Variants in GMPR observed in about 807,000 individuals in gnomAD.
GMPR encodes the protein GMP reductase 1.
A neutral mutation model predicts 38.4 loss-of-function variants in GMPR; 31 were observed. That is an observed-to-expected ratio of 0.81 (90% CI 0.61 to 1.09). The LOEUF is 1.09. Ranked by LOEUF, GMPR falls within the 50% of genes least tolerant of loss-of-function variation. The pLI is 0.00. For synonymous variants in GMPR, 162 were observed against 173.3 expected, an observed-to-expected ratio of 0.93 and a Z score of 0.51; for missense variants, 468 against 453.7, an observed-to-expected ratio of 1.03 and a Z score of -0.29.
Position 16,254,637 on chromosome 6 carries a change from G to T in GMPR, c.367G>T (p.Val123Phe), listed in dbSNP as rs765290396. ...MTSILEAVPQVKFICLDVANG... is the reference protein window; with the variant it reads ...MTSILEAVPQFKFICLDVANG... ...CAGCATCCTGGAAGCTGTGCCACAG[G>T]TTAAGTTTATTTGCCTGGATGTGGC... The change falls in exon 4 of 9, where the codon GTT becomes TTT. Residue 123 changes from valine (V) to phenylalanine (F), a missense_variant. Coordinates refer to ENST00000259727, the MANE Select transcript of GMPR (RefSeq NM_006877.4). 6.2e-6 allele frequency: 10 copies of T among 1,613,524 alleles called. No individual in the cohort carries two copies. In the East Asian group the frequency reaches 2.2e-4, roughly 36 times the overall value.
At chr6:16,284,001 G>A (rs1041149192) in intron 6 of GMPR, among the ~76,000 whole-genome samples, 1 of 152,190 alleles carries the variant, frequency 6.6e-6, no homozygotes, top group African/African-American at 2.4e-5. Context: ...TTAACAAGGG[G>A]TATAGAGCCA....
chr6:16,249,841 T>G, intron 2 of GMPR, among the ~76,000 whole-genome samples: 1 of 152,364 alleles, frequency 6.6e-6, no homozygotes, highest in Non-Finnish European at 1.5e-5. Context: ...AGAGAAAGCT[T>G]TCAGGGATAA....
intron 4 of GMPR, among the ~76,000 whole-genome samples, chr6:16,260,316 G>A (rs994723981): frequency 1.1e-4 from 16 of 152,026 alleles, no homozygotes; most frequent in Non-Finnish European, 1.8e-4. Context: ...AATAAAGGCT[G>A]GTCTGTTATC....
intron 7 of GMPR, among the ~76,000 whole-genome samples, chr6:16,289,072 A>G (rs760007001): frequency 2.2e-4 from 34 of 152,182 alleles, no homozygotes; most frequent in South Asian, 8.3e-4. Context: ...TGGGAGGGTG[A>G]TTTGTTGTTT....
intron 4 of GMPR, among the ~76,000 whole-genome samples, chr6:16,268,515 G>C (rs1177294607): frequency 6.6e-6 from 1 of 152,176 alleles, no homozygotes; most frequent in Non-Finnish European, 1.5e-5. Context: ...CTGACCTCAG[G>C]TGATAACACC....
intron 4 of GMPR, among the ~76,000 whole-genome samples, chr6:16,265,705 C>T (rs1759185173): frequency 6.6e-6 from 1 of 152,204 alleles, no homozygotes; most frequent in African/African-American, 2.4e-5. Context: ...TGTAAAAACA[C>T]ACCACTCCGC....
chr6:16,267,354 A>T (rs760885999), intron 4 of GMPR, among the ~76,000 whole-genome samples: 1 of 151,466 alleles, frequency 6.6e-6, no homozygotes, highest in Non-Finnish European at 1.5e-5. Flanking sequence ...CCTGGGTGAG[A>T]GGGAGACTCC....
chr6:16,289,450 G>A (rs1759784598), intron 7 of GMPR: 2 of 152,214 alleles, frequency 1.3e-5, no homozygotes, highest in African/African-American at 2.4e-5. Flanking sequence ...TCTATCATGT[G>A]CTGTGCACTT....
chr6:16,258,556 G>C lies in GMPR; in HGVS notation c.465+3821G>C, dbSNP rs574086258. Among the ~76,000 whole-genome samples, 13 of 152,376 alleles carry C rather than the reference G, an allele frequency of 8.5e-5. No individual in the cohort carries two copies. The South Asian group carries it at 2.7e-3, about 32-fold the overall frequency. On this transcript the variant is annotated intron_variant, in intron 4 of 8. Coordinates refer to ENST00000259727, the MANE Select transcript of GMPR (RefSeq NM_006877.4). ...TGTCTGGGAAGCCACCAACAGCGAG[G>C]CCCTCTCCAGCACCCGCTGGCTGGC...
At chr6:16,290,353 G>T (rs1759815926) in intron 7 of GMPR, 109 bp from the exon 8 acceptor site, 3 of 938,018 alleles carry the variant, frequency 3.2e-6, no homozygotes, top group Admixed American at 3.7e-5. Flanking sequence ...CTTGACTATA[G>T]CTGGGCGGGG....
intron 4 of GMPR, among the ~76,000 whole-genome samples, chr6:16,267,575 C>G (rs1759283219): frequency 6.6e-6 from 1 of 152,152 alleles, no homozygotes; most frequent in South Asian, 2.1e-4. Context: ...CCGGACACAT[C>G]TGAACATCTG....
intron 4 of GMPR, among the ~76,000 whole-genome samples, chr6:16,271,264 T>C (rs1759379703): frequency 1.3e-5 from 2 of 152,290 alleles, no homozygotes; most frequent in African/African-American, 4.8e-5. Context: ...GGCAGGCAGA[T>C]TGCTTGAGCT....
At chr6:16,288,620 A>C (rs1759749495) in intron 7 of GMPR, among the ~76,000 whole-genome samples, 1 of 152,314 alleles carries the variant, frequency 6.6e-6, no homozygotes, top group African/African-American at 2.4e-5. Context: ...CCCGTCAACC[A>C]TGCAAGGGCT....
intron 4 of GMPR, among the ~76,000 whole-genome samples, chr6:16,268,063 C>T (rs1256854472): frequency 6.6e-6 from 1 of 152,200 alleles, no homozygotes; most frequent in Non-Finnish European, 1.5e-5. Flanking sequence ...CCTCACCATT[C>T]AAGTGTCCCT....
At chr6:16,266,079 C>CG (rs1165339907) in intron 4 of GMPR, among the ~76,000 whole-genome samples, 1 of 151,240 alleles carries the variant, frequency 6.6e-6, no homozygotes, top group Non-Finnish European at 1.5e-5. Context: ...CAACTCCCGA[C>CG]GGGCTACCTT....
rs112760385 is a variant in GMPR, at chr6:16,267,047, C to T, written c.466-7368C>T. 6.3e-3 allele frequency among the ~76,000 whole-genome samples: 946 copies of T among 151,148 alleles called. 7 individuals are homozygous for T. The highest frequency in any genetic ancestry group is 0.022 in the African/African-American group (907 of 41,222). ...GTAACACTCCCTGCGAAAAAGGTGG[C>T]ACGTCGGACGTGCCACCTTTAAGAG... is the stretch of plus-strand genomic sequence containing the variant. On this transcript the variant is annotated intron_variant, in intron 4 of 8. Transcript: ENST00000259727.
At chr6:16,245,403 A>G (rs1353818483) in intron 1 of GMPR, among the ~76,000 whole-genome samples, 1 of 152,256 alleles carries the variant, frequency 6.6e-6, no homozygotes, top group African/African-American at 2.4e-5. Context: ...TTCTGACTTA[A>G]TGCTGATCGC....
intron 8 of GMPR, 73 bp downstream of exon 8, chr6:16,290,694 G>C (rs1002627908): frequency 6.9e-6 from 9 of 1,309,484 alleles, no homozygotes; most frequent in Non-Finnish European, 9.9e-6. Flanking sequence ...ATGGAAGCAG[G>C]TCTGAATAGC....
At position 16,238,796 on chromosome 6, in the gene GMPR, A is replaced by C; in HGVS notation, c.87+16A>C. Reference sequence around the variant, plus strand: ...CCGAGCCGAGGTGGGGGACGTTCGGAAGTCGCAGTGGGGTGGGATTTTTTT... The same window carrying C: ...CCGAGCCGAGGTGGGGGACGTTCGGCAGTCGCAGTGGGGTGGGATTTTTTT... On this transcript the variant is annotated intron_variant, in intron 1 of 8. Transcript: ENST00000259727. The C allele has an allele frequency of 7.1e-7, 1 of 1,405,094 alleles. No individual in the cohort carries two copies. The highest frequency in any genetic ancestry group is 9.6e-7 in the Non-Finnish European group (1 of 1,047,032). The allele number at this position is 1,405,094 out of a possible 1,614,324, so 87.0% of individuals were successfully genotyped here.
Sources: gnomAD v4.1 joint callset for allele counts (sites outside exome capture counted in the v4.1 genomes callset) on GRCh38, gnomAD v4.1.1 for gene constraint, MANE v1.5 for transcripts, NCBI Gene and HGNC (gene_info 2026-07-23, HGNC 2026-07-21) for gene names.